The following EPHA5 variants were observed in gnomAD, a reference collection of about 807,000 sequenced individuals.
EPHA5 encodes the protein EPH receptor A5.
EPHA5 carries 60 observed loss-of-function variants against 105.0 expected under a neutral mutation model. The ratio of observed to expected loss-of-function variants is 0.57; its 90% confidence interval spans 0.46 to 0.71. The LOEUF (loss-of-function observed/expected upper bound fraction) is 0.71, where lower values mean the gene tolerates loss of function less well. Ranked by LOEUF, EPHA5 falls within the 30% of genes least tolerant of loss-of-function variation. The pLI is 0.00. For missense variants in EPHA5, 1,218 were observed against 1,274.7 expected, an observed-to-expected ratio of 0.96 and a Z score of 0.68; for synonymous variants, 513 against 449.1, an observed-to-expected ratio of 1.14 and a Z score of -1.80.
chr4:65,641,204 A>C (rs1747631555), intron 2 of EPHA5, among the ~76,000 whole-genome samples: 1 of 152,158 alleles, frequency 6.6e-6, no homozygotes, highest in African/African-American at 2.4e-5. Flanking sequence ...ATGATGACTG[A>C]ATTTTGGCTT....
chr4:65,453,207 C>T (rs772877578), intron 5 of EPHA5, among the ~76,000 whole-genome samples: 1 of 152,110 alleles, frequency 6.6e-6, no homozygotes, highest in Admixed American at 6.5e-5. Flanking sequence ...AAATAATATG[C>T]TCTTGTTTAT....
At chr4:65,407,658 A>G (rs1383857099) in intron 7 of EPHA5, among the ~76,000 whole-genome samples, 1 of 151,234 alleles carries the variant, frequency 6.6e-6, no homozygotes, top group Non-Finnish European at 1.5e-5. Context: ...AATTTAAAGA[A>G]TATATTTTTG....
At chr4:65,419,783 C>A (rs953876162) in intron 6 of EPHA5, among the ~76,000 whole-genome samples, 7 of 152,110 alleles carry the variant, frequency 4.6e-5, no homozygotes, top group Admixed American at 2.6e-4. Flanking sequence ...ACTCTTTCAT[C>A]AATAGCTCAC....
chr4:65,359,858 C>T (rs1287386111), intron 11 of EPHA5, among the ~76,000 whole-genome samples: 1 of 151,606 alleles, frequency 6.6e-6, no homozygotes, highest in Non-Finnish European at 1.5e-5. Flanking sequence ...CATGTTAGCT[C>T]TACGTCTTCA....
chr4:65,473,008 A>G (rs11131596), intron 5 of EPHA5, among the ~76,000 whole-genome samples: 111,462 of 152,034 alleles, frequency 0.73, 43,576 homozygotes, highest in Middle Eastern at 0.88. Context: ...CCAGTTTCAG[A>G]TCATCTCTCT....
intron 2 of EPHA5, among the ~76,000 whole-genome samples, chr4:65,642,162 C>T (rs1163102938): frequency 3.3e-5 from 5 of 152,004 alleles, no homozygotes; most frequent in Admixed American, 2.6e-4. Flanking sequence ...CATCAGCCAT[C>T]CTCTCAGAAA....
intron 5 of EPHA5, among the ~76,000 whole-genome samples, chr4:65,472,913 G>A (rs967740927): frequency 6.6e-6 from 1 of 152,160 alleles, no homozygotes; most frequent in Non-Finnish European, 1.5e-5. Flanking sequence ...TTTCTCCCGA[G>A]AAAATGGGTT....
At chr4:65,660,739 C>A (rs373742046) in intron 1 of EPHA5, among the ~76,000 whole-genome samples, 1 of 152,056 alleles carries the variant, frequency 6.6e-6, no homozygotes. Flanking sequence ...TTCTGAGCTA[C>A]CCCACAGCAG....
chr4:65,531,562 A>G (rs1349411014), intron 3 of EPHA5, among the ~76,000 whole-genome samples: 20 of 149,988 alleles, frequency 1.3e-4, no homozygotes, highest in Admixed American at 1.0e-3. Context: ...CATAAAGAGG[A>G]TATACTGAGA....
intron 8 of EPHA5, among the ~76,000 whole-genome samples, chr4:65,382,432 A>C (rs1027924964): frequency 2.6e-5 from 4 of 152,012 alleles, no homozygotes; most frequent in African/African-American, 9.6e-5. Context: ...AGCAAATGTT[A>C]TTAAACGTGT....
intron 3 of EPHA5, among the ~76,000 whole-genome samples, chr4:65,533,760 C>T (rs1255152706): frequency 1.3e-5 from 2 of 151,778 alleles, no homozygotes; most frequent in East Asian, 1.9e-4. Context: ...ATGGTAAAAC[C>T]CCATCTCTAC....
intron 7 of EPHA5, among the ~76,000 whole-genome samples, chr4:65,405,419 T>C (rs1722267008): frequency 6.6e-6 from 1 of 152,178 alleles, no homozygotes; most frequent in South Asian, 2.1e-4. Flanking sequence ...GTATCAAATA[T>C]TGTCATAGAA....
intron 2 of EPHA5, among the ~76,000 whole-genome samples, chr4:65,637,983 T>C (rs1747301556): frequency 1.3e-5 from 2 of 152,124 alleles, no homozygotes. Flanking sequence ...ATGGTACATG[T>C]ATCTGATTAT....
chr4:65,489,007 T>C (rs2149208430), intron 5 of EPHA5, among the ~76,000 whole-genome samples: 1 of 149,736 alleles, frequency 6.7e-6, no homozygotes, highest in East Asian at 2.1e-4. Context: ...TGCCTCAGCC[T>C]CCCGAGTAGC....
chr4:65,472,416 C>G (rs1411154276), intron 5 of EPHA5, among the ~76,000 whole-genome samples: 1 of 152,224 alleles, frequency 6.6e-6, no homozygotes, highest in East Asian at 1.9e-4. Context: ...AGTGGGGACA[C>G]TGTGTGGGTG....
chr4:65,663,739 A>G (rs1749736738), intron 1 of EPHA5, among the ~76,000 whole-genome samples: 1 of 152,068 alleles, frequency 6.6e-6, no homozygotes, highest in South Asian at 2.1e-4. Flanking sequence ...AAATAGAGCC[A>G]TATCTTTCTT....
chr4:65,643,467 T>C (rs1166096099), intron 1 of EPHA5, 40 bp from the exon 2 acceptor site: 1 of 1,498,088 alleles, frequency 6.7e-7, no homozygotes, highest in Non-Finnish European at 9.3e-7. Flanking sequence ...AAATGTATAT[T>C]ATCATGAATA....
intron 8 of EPHA5, among the ~76,000 whole-genome samples, chr4:65,382,955 G>A (rs1719706069): frequency 6.6e-6 from 1 of 151,008 alleles, no homozygotes; most frequent in South Asian, 2.1e-4. Flanking sequence ...AACTTCAAAA[G>A]TGCCTGGAGG....
At chr4:65,562,580 A>G (rs1416581666) in intron 3 of EPHA5, among the ~76,000 whole-genome samples, 1 of 152,078 alleles carries the variant, frequency 6.6e-6, no homozygotes, top group Admixed American at 6.6e-5. Context: ...CTGTATATCC[A>G]TGCATGTGGA....
Sources: allele counts gnomAD v4.1 joint callset (sites outside exome capture counted in the v4.1 genomes callset), GRCh38; gene constraint gnomAD v4.1.1; transcripts MANE v1.5; gene names NCBI Gene and HGNC (gene_info 2026-07-23, HGNC 2026-07-21).